STAB2: variants seen among roughly 807,000 people sequenced by gnomAD.
The protein encoded by STAB2 is stabilin 2.
STAB2 carries 288 observed loss-of-function variants against 338.1 expected under a neutral mutation model. That is an observed-to-expected ratio of 0.85 (90% CI 0.77 to 0.94). STAB2 has a LOEUF of 0.94. STAB2 is among the 40% of genes least tolerant of loss of function. STAB2 has a pLI of 0.00. For synonymous variants in STAB2, 1,202 were observed against 1,193.3 expected (o/e 1.01, Z -0.15); for missense variants, 3,141 against 3,210.1 (o/e 0.98, Z 0.52).
At chr12:103,615,313 C>G (rs959787860) in intron 3 of STAB2, among the ~76,000 whole-genome samples, 1 of 152,162 alleles carries the variant, frequency 6.6e-6, no homozygotes, top group African/African-American at 2.4e-5. Flanking sequence ...GAGGGAGACA[C>G]CAATGCAGGT....
At chr12:103,707,390 C>T (rs1457267386) in intron 38 of STAB2, among the ~76,000 whole-genome samples, 1 of 152,194 alleles carries the variant, frequency 6.6e-6, no homozygotes, top group Non-Finnish European at 1.5e-5. Flanking sequence ...TTGCTATGCC[C>T]ATTTTACAGA....
intron 38 of STAB2, among the ~76,000 whole-genome samples, chr12:103,707,756 T>C (rs1024085366): frequency 1.3e-5 from 2 of 152,190 alleles, no homozygotes; most frequent in Admixed American, 6.5e-5. Flanking sequence ...ATCACTGTTT[T>C]CTCCTCAGCT....
intron 65 of STAB2, among the ~76,000 whole-genome samples, chr12:103,759,495 G>A (rs1487558105): frequency 6.6e-6 from 1 of 152,214 alleles, no homozygotes; most frequent in African/African-American, 2.4e-5. Context: ...TTATGGGGAA[G>A]GATAATGAAC....
intron 54 of STAB2, 22 bp downstream of exon 54, chr12:103,739,490 A>G: frequency 1.3e-6 from 2 of 1,553,154 alleles, no homozygotes; most frequent in Non-Finnish European, 1.7e-6. Context: ...TGCAGTGATA[A>G]TGTTTGGAGA....
chr12:103,668,950 C>T, intron 20 of STAB2: 1 of 458,222 alleles, frequency 2.2e-6, no homozygotes, highest in Non-Finnish European at 3.9e-6. Flanking sequence ...ACAGATCACA[C>T]TCTTAACACT....
Position 103,690,025 on chromosome 12 carries a change from T to A in STAB2, c.3182+43T>A, listed in dbSNP as rs1231825717. 3 of 1,599,844 alleles carry A rather than the reference T, an allele frequency of 1.9e-6. No individual in the cohort carries two copies. In the South Asian group the frequency reaches 3.4e-5, roughly 18 times the overall value. On this transcript the variant is annotated intron_variant, in intron 29 of 68. Transcript: ENST00000388887. ...TATTTTACATCGTATCTGAATGGCA[T>A]CTGTGTAAACATGTCTTTGAAGTTC...
At chr12:103,619,746 A>G (rs953872167) in intron 3 of STAB2, among the ~76,000 whole-genome samples, 2 of 148,654 alleles carry the variant, frequency 1.3e-5, no homozygotes, top group African/African-American at 5.0e-5. Context: ...CCTCATCAGC[A>G]ACGCCCCCCG....
At chr12:103,731,461 C>A in intron 49 of STAB2, 115 bp from the exon 50 acceptor site, 1 of 996,600 alleles carries the variant, frequency 1.0e-6, no homozygotes, top group Non-Finnish European at 1.5e-6. Flanking sequence ...CTGATGAGCC[C>A]ATCTATGTAT....
At chr12:103,681,350 A>C (rs956722074) in intron 25 of STAB2, among the ~76,000 whole-genome samples, 3 of 152,202 alleles carry the variant, frequency 2.0e-5, no homozygotes, top group African/African-American at 7.2e-5. Context: ...TGCCATACAA[A>C]GTGCCACAAA....
chr12:103,730,403 A>G, intron 49 of STAB2, 147 bp downstream of exon 49: 1 of 953,232 alleles, frequency 1.0e-6, no homozygotes, highest in Non-Finnish European at 1.5e-6. Flanking sequence ...CATTATTCTT[A>G]GTAAGAAATA....
At chr12:103,690,625 TCCAAA>T in intron 30 of STAB2, 87 bp downstream of exon 30, 1 of 1,163,886 alleles carries the variant, frequency 8.6e-7, no homozygotes, top group Non-Finnish European at 1.2e-6. Flanking sequence ...TATGGGAACT[TCCAAA>T]CATGCGCAAA....
At position 103,587,501 on chromosome 12, in the gene STAB2, T is replaced by C; in HGVS notation, c.25T>C (p.Phe9Leu). The change falls in exon 1 of 69, where the codon TTT (phenylalanine) becomes CTT (leucine). Residue 9 changes from phenylalanine (F) to leucine (L), a missense_variant. By Grantham distance (22) the Phe-to-Leu change is conservative. Coordinates refer to ENST00000388887, the MANE Select transcript of STAB2 (RefSeq NM_017564.10). MMLQHLVI[F>L]CLGLVVQNFC... The stretch of plus-strand genomic sequence containing the variant: ...CATGATGCTACAACATTTAGTAATT[T>C]TTTGTCTTGGATTGGTTGTACAAAA... The C allele has an allele frequency of 6.2e-7, 1 of 1,614,082 alleles. No individual in the cohort carries two copies. Among genetic ancestry groups the C allele is most frequent in the East Asian group, 2.2e-5 (1 of 44,874 alleles).
chr12:103,659,076 A>T (rs1874405802), intron 15 of STAB2, among the ~76,000 whole-genome samples: 1 of 152,270 alleles, frequency 6.6e-6, no homozygotes, highest in South Asian at 2.1e-4. Flanking sequence ...TAACAGAACC[A>T]GGGCTGCAGA....
chr12:103,731,444 G>C, intron 49 of STAB2, 132 bp from the exon 50 acceptor site: 2 of 792,026 alleles, frequency 2.5e-6, no homozygotes, highest in Middle Eastern at 3.7e-4. Context: ...GAGAGTTGGA[G>C]CAGGTGCTGA....
At chr12:103,589,416 G>T (rs1185725185) in intron 1 of STAB2, among the ~76,000 whole-genome samples, 1 of 152,188 alleles carries the variant, frequency 6.6e-6, no homozygotes, top group Non-Finnish European at 1.5e-5. Flanking sequence ...TGATTGGCAG[G>T]TCCTTTCTGC....
At chr12:103,751,624 C>T (rs1883661269) in intron 60 of STAB2, among the ~76,000 whole-genome samples, 1 of 152,136 alleles carries the variant, frequency 6.6e-6, no homozygotes, top group African/African-American at 2.4e-5. Context: ...GATAAAAATG[C>T]ACAGCTGGGA....
chr12:103,676,400 T>G (rs1186448681), intron 24 of STAB2, among the ~76,000 whole-genome samples: 1 of 152,176 alleles, frequency 6.6e-6, no homozygotes, highest in Admixed American at 6.6e-5. Flanking sequence ...TTGTTTGGGT[T>G]TTTTTAGGAA....
At chr12:103,626,107 C>A (rs924943180) in intron 5 of STAB2, among the ~76,000 whole-genome samples, 5 of 152,090 alleles carry the variant, frequency 3.3e-5, no homozygotes, top group Admixed American at 3.3e-4. Flanking sequence ...AAACTGAGAC[C>A]CAAGAGAAAA....
At chr12:103,631,921 T>C (rs1957470134) in intron 6 of STAB2, among the ~76,000 whole-genome samples, 1 of 152,138 alleles carries the variant, frequency 6.6e-6, no homozygotes. Context: ...GTCAAGGCTA[T>C]AGCTGTGTTT....
Sources: allele counts gnomAD v4.1 joint callset (sites outside exome capture counted in the v4.1 genomes callset), GRCh38; gene constraint gnomAD v4.1.1; transcripts MANE v1.5; gene names NCBI Gene and HGNC (gene_info 2026-07-23, HGNC 2026-07-21).